Variants in HIVEP1 observed in about 807,000 individuals in gnomAD.
HIVEP1 encodes HIVEP zinc finger 1, also known as zinc finger protein 40.
Under a neutral mutation model 180.0 loss-of-function variants are expected in HIVEP1, and 36 were observed. The observed-to-expected ratio is 0.20, with a 90% CI of 0.15 to 0.26. HIVEP1 has a LOEUF of 0.26. HIVEP1 is among the 10% of genes least tolerant of loss of function. HIVEP1 has a pLI of 1.00. For missense variants in HIVEP1, 3,143 were observed against 3,268.7 expected, an observed-to-expected ratio of 0.96 and a Z score of 0.94; for synonymous variants, 1,239 against 1,239.0, an observed-to-expected ratio of 1.00 and a Z score of 0.00.
intron 5 of HIVEP1, 86 bp downstream of exon 5, chr6:12,129,978 CCA>C: frequency 1.2e-6 from 1 of 866,516 alleles, no homozygotes; most frequent in Non-Finnish European, 1.8e-6. Flanking sequence ...AGACTTAGTG[CCA>C]ATTTAGTATC....
At chr6:12,057,145 A>C (rs1030552647) in intron 2 of HIVEP1, among the ~76,000 whole-genome samples, 2 of 152,180 alleles carry the variant, frequency 1.3e-5, no homozygotes, top group Non-Finnish European at 2.9e-5. Flanking sequence ...CTATCCTTAT[A>C]TTCTGGAGCT....
At chr6:12,071,839 A>G (rs1771988668) in intron 2 of HIVEP1, among the ~76,000 whole-genome samples, 1 of 152,164 alleles carries the variant, frequency 6.6e-6, no homozygotes, top group African/African-American at 2.4e-5. Flanking sequence ...GCATTTTTAG[A>G]TGAGTTAATT....
Position 12,089,206 on chromosome 6 carries a change from A to G in HIVEP1, c.63A>G (p.Lys21=). 1 of 1,561,778 alleles carries G rather than the reference A, an allele frequency of 6.4e-7. No homozygotes were observed. Among genetic ancestry groups the G allele is most frequent in the Non-Finnish European group, 8.8e-7 (1 of 1,138,888 alleles). ...TAGACAAAATTGAAGAAGCACAAAA[A>G]GAACTTAATGGGGCAGAAGTTTCAA... The part of the protein sequence containing the change: ...NLRDKIEEAQ[K]ELNGAEVSKK... Residue 21 remains lysine, a synonymous_variant, in exon 3 of 9, where the codon AAA becomes AAG. Coordinates refer to ENST00000379388, the MANE Select transcript of HIVEP1 (RefSeq NM_002114.4).
chr6:12,109,989 A>G (rs1053250213), intron 3 of HIVEP1, among the ~76,000 whole-genome samples: 1 of 152,240 alleles, frequency 6.6e-6, no homozygotes, highest in Admixed American at 6.5e-5. Context: ...AACAACATTC[A>G]TCTTCTTATA....
At chr6:12,012,032 C>G (rs1394447546), upstream of HIVEP1, 1 of 144,124 alleles carries the variant, frequency 6.9e-6, no homozygotes, top group Admixed American at 6.9e-5. Context: ...GCTAAACGTG[C>G]CCTACTCTGC....
chr6:12,197,520 T>G, the HIVEP1 span, among the ~76,000 whole-genome samples: 1 of 132,776 alleles, frequency 7.5e-6, no homozygotes, highest in Non-Finnish European at 1.5e-5. Context: ...GCCACTGCAC[T>G]CCAGCCTGGA....
chr6:12,035,461 C>G (rs1218973579), intron 2 of HIVEP1, among the ~76,000 whole-genome samples: 1 of 152,144 alleles, frequency 6.6e-6, no homozygotes. Flanking sequence ...GTGGGTCTTT[C>G]TAGAAAAATC....
intron 2 of HIVEP1, among the ~76,000 whole-genome samples, chr6:12,074,461 G>C (rs576645311): frequency 1.2e-4 from 19 of 152,092 alleles, no homozygotes; most frequent in Non-Finnish European, 1.9e-4. Flanking sequence ...ATGAAAATGA[G>C]CAGAAAAGTT....
At chr6:12,108,321 C>T (rs138612503) in intron 3 of HIVEP1, among the ~76,000 whole-genome samples, 10,056 of 152,316 alleles carry the variant, frequency 0.066, 393 homozygotes, top group African/African-American at 0.11. Flanking sequence ...GCCCAGCTGG[C>T]TTCACCCAGT....
chr6:12,055,217 G>T (rs1048970408), intron 2 of HIVEP1, among the ~76,000 whole-genome samples: 1 of 152,240 alleles, frequency 6.6e-6, no homozygotes, highest in Non-Finnish European at 1.5e-5. Context: ...GCTCACGCCT[G>T]TAATCCCATC....
intron 7 of HIVEP1, among the ~76,000 whole-genome samples, chr6:12,159,555 C>T (rs765117437): frequency 6.6e-6 from 1 of 152,048 alleles, no homozygotes; most frequent in Non-Finnish European, 1.5e-5. Context: ...GGGCAGGGTC[C>T]TTGTCTTTTA....
At position 12,161,513 on chromosome 6, in the gene HIVEP1, A is replaced by G; in HGVS notation, c.6562A>G (p.Asn2188Asp). The change falls in exon 8 of 9, where the codon AAT (asparagine) becomes GAT (aspartate). Residue 2188 changes from asparagine (N) to aspartate (D), a missense_variant. Around this residue, in one of 12 missense-constraint regions of HIVEP1, gnomAD observed 126 missense variants for 168.5 expected, o/e 0.75. Coordinates refer to ENST00000379388, the MANE Select transcript of HIVEP1 (RefSeq NM_002114.4). ...EESDGPDEDD[N>D]ENEDDDEDSQ... ...ATCTGATGGCCCAGATGAGGATGACAATGAAAATGAAGACGATGATGAGGA... is the reference window on the plus strand; with the variant it reads ...ATCTGATGGCCCAGATGAGGATGACGATGAAAATGAAGACGATGATGAGGA... 6.2e-7 allele frequency: 1 copy of G among 1,614,102 alleles called. No individual in the cohort carries two copies. Among genetic ancestry groups the G allele is most frequent in the Non-Finnish European group, 8.5e-7 (1 of 1,179,962 alleles).
intron 2 of HIVEP1, among the ~76,000 whole-genome samples, chr6:12,054,335 TACAG>T (rs2113729110): frequency 6.6e-6 from 1 of 152,356 alleles, no homozygotes; most frequent in African/African-American, 2.4e-5. Context: ...AAGATCCACA[TACAG>T]AAGTTATAGT....
intron 3 of HIVEP1, among the ~76,000 whole-genome samples, chr6:12,109,041 G>A (rs1306772257): frequency 6.6e-6 from 1 of 152,128 alleles, no homozygotes; most frequent in Non-Finnish European, 1.5e-5. Flanking sequence ...GTGCAGCGGC[G>A]CGATCTTGGC....
intron 2 of HIVEP1, among the ~76,000 whole-genome samples, chr6:12,074,636 G>GTGTGTGTGTGTGTGTGTGTGTGTA (rs1561914353): frequency 4.0e-5 from 6 of 149,232 alleles, no homozygotes; most frequent in Non-Finnish European, 6.0e-5. Context: ...GTGTGTGTGT[G>GTGTGTGTGTGTGTGTGTGTGTGTA]TGTGTGTGCG....
intron 2 of HIVEP1, among the ~76,000 whole-genome samples, chr6:12,022,322 C>T (rs1768286608): frequency 6.6e-6 from 1 of 152,014 alleles, no homozygotes; most frequent in African/African-American, 2.4e-5. Flanking sequence ...AGGCTCCTGC[C>T]ACCGCACCCA....
chr6:12,133,651 A>G (rs778988630), intron 6 of HIVEP1, among the ~76,000 whole-genome samples: 5 of 152,180 alleles, frequency 3.3e-5, no homozygotes, highest in Non-Finnish European at 5.9e-5. Context: ...TTAAAAAGTA[A>G]ATAACCTGCA....
chr6:12,193,746 CTAAG>C, the HIVEP1 span, among the ~76,000 whole-genome samples: 4 of 152,108 alleles, frequency 2.6e-5, no homozygotes. Context: ...TACTACGGTG[CTAAG>C]TATTTCAAAT....
At chr6:12,178,697 T>G in the HIVEP1 span, among the ~76,000 whole-genome samples, 1 of 152,104 alleles carries the variant, frequency 6.6e-6, no homozygotes, top group Non-Finnish European at 1.5e-5. Context: ...CTGGCAGTAT[T>G]TATTAGAGCT....
Sources: allele counts gnomAD v4.1 joint callset (sites outside exome capture counted in the v4.1 genomes callset), GRCh38; gene constraint gnomAD v4.1.1; regional missense constraint gnomAD v4.1.1; transcripts MANE v1.5; gene names NCBI Gene and HGNC (gene_info 2026-07-23, HGNC 2026-07-21).